The following CAPZB variants were observed in gnomAD, a reference collection of about 807,000 sequenced individuals.
CAPZB encodes F-actin-capping protein subunit beta.
In CAPZB, 2 loss-of-function variants were observed where a neutral mutation model predicts 38.1. The observed-to-expected ratio is 0.05, with a 90% CI of 0.02 to 0.17. The LOEUF is 0.17. Among genes scored for constraint, CAPZB ranks in the 10% least tolerant of loss-of-function variants. The pLI, the probability that CAPZB is intolerant of heterozygous loss-of-function variation, is 1.00. For missense variants in CAPZB, 161 were observed against 334.2 expected, an observed-to-expected ratio of 0.48 and a Z score of 4.04; for synonymous variants, 107 against 127.4, an observed-to-expected ratio of 0.84 and a Z score of 1.08.
chr1:19,339,601 C>T lies in CAPZB; in HGVS notation c.748G>A (p.Ala250Thr). The change falls in exon 9 of 9, where the codon GCA becomes ACA. Residue 250 changes from alanine (A) to threonine (T), a missense_variant. Coordinates refer to ENST00000264202, the MANE Select transcript of CAPZB (RefSeq NM_004930.5). Reference protein sequence around the residue: ...VNGLRSVQTFADKSKQEALKN... With the variant: ...VNGLRSVQTFTDKSKQEALKN... ...AGAGCTTCTTGTTTTGATTTGTCTG[C>T]AAAAGTCTGCACAGACCTGCAAGGG... is the stretch of plus-strand genomic sequence containing the variant. 10 of 1,613,828 alleles carry T rather than the reference C, an allele frequency of 6.2e-6. No homozygotes were observed. The highest frequency in any genetic ancestry group is 6.8e-6 in the Non-Finnish European group (8 of 1,179,666).
chr1:19,365,685 T>C lies in CAPZB; in HGVS notation c.330-8122A>G, dbSNP rs545681834. 3.3e-5 allele frequency among the ~76,000 whole-genome samples: 5 copies of C among 151,748 alleles called. No individual in the cohort carries two copies. The East Asian group carries it at 9.7e-4, about 30-fold the overall frequency. ...GTCTCTATTAAAAAAACACACAAAA[T>C]TAGTCGGGCGTGGTGGTGCATGCCT... On this transcript the variant is annotated intron_variant, in intron 4 of 8. Transcript: ENST00000264202.
At chr1:19,468,914 C>T (rs1482639250) in intron 1 of CAPZB, among the ~76,000 whole-genome samples, 4 of 152,202 alleles carry the variant, frequency 2.6e-5, no homozygotes, top group African/African-American at 7.2e-5. Flanking sequence ...CTCAGCGAGA[C>T]GCCTCCTTCA....
chr1:19,356,725 A>G lies in CAPZB; in HGVS notation c.498T>C (p.His166=), dbSNP rs752190963. 6.2e-7 allele frequency: 1 copy of G among 1,614,016 alleles called. No individual in the cohort carries two copies. The highest frequency in any genetic ancestry group is 1.1e-5 in the South Asian group (1 of 91,086). The change falls in exon 6 of 9, where the codon CAT becomes CAC. Residue 166 remains histidine, a synonymous_variant. Transcript: ENST00000264202. This position sits in a 1 kb window ranked among gnomAD's most constrained non-coding sequence, Gnocchi z 4.3. ...VQEKSSGRTA[H]YKLTSTVMLW... is the part of the protein sequence containing the mutation. ...GCATCACCGTGGAGGTCAACTTGTA[A>G]TGGGCGGTGCGACCGCTGGATTTCT...
intron 6 of CAPZB, among the ~76,000 whole-genome samples, chr1:19,354,144 T>C (rs2094007433): frequency 6.6e-6 from 1 of 152,252 alleles, no homozygotes; most frequent in Non-Finnish European, 1.5e-5. Context: ...GGTTAAATTA[T>C]ATGGGCAAAT....
intron 1 of CAPZB, 51 bp from the exon 2 acceptor site, chr1:19,419,801 T>C (rs747951447): frequency 9.4e-7 from 1 of 1,061,224 alleles, no homozygotes; most frequent in Non-Finnish European, 1.4e-6. Flanking sequence ...AGAAGGAATA[T>C]CAAAAACTCC....
intron 1 of CAPZB, among the ~76,000 whole-genome samples, chr1:19,446,963 T>A (rs2094498037): frequency 6.6e-6 from 1 of 152,228 alleles, no homozygotes; most frequent in South Asian, 2.1e-4. Flanking sequence ...TTACCCTCTA[T>A]GGTTTGTACT....
At chr1:19,466,255 G>C (rs538562989) in intron 1 of CAPZB, among the ~76,000 whole-genome samples, 60 of 152,310 alleles carry the variant, frequency 3.9e-4, no homozygotes, top group African/African-American at 1.4e-3. Context: ...GGGAGGCAGA[G>C]CCAGATGCAT....
At chr1:19,439,145 C>A (rs11587848) in intron 1 of CAPZB, among the ~76,000 whole-genome samples, 31,685 of 152,126 alleles carry the variant, frequency 0.21, 4,385 homozygotes, top group African/African-American at 0.39. Context: ...CCGGCTTGGG[C>A]TGGCCCATCT....
chr1:19,349,518 G>A lies in CAPZB; in HGVS notation c.589-4266C>T, dbSNP rs553575970. ...GGCCGCGGCCATCGGCAAAGGTCCTGGGTCACCTGGGCAAGTCCAGTCACA... is the reference window on the plus strand; with the variant it reads ...GGCCGCGGCCATCGGCAAAGGTCCTAGGTCACCTGGGCAAGTCCAGTCACA... On this transcript the variant is annotated intron_variant, in intron 6 of 8. Coordinates refer to ENST00000264202, the MANE Select transcript of CAPZB (RefSeq NM_004930.5). Among the ~76,000 whole-genome samples, 8 of 152,288 alleles carry A rather than the reference G, an allele frequency of 5.3e-5. No individual in the cohort carries two copies. The South Asian group carries it at 1.7e-3, about 32-fold the overall frequency.
chr1:19,427,275 ATC>A (rs1388740325), intron 1 of CAPZB, among the ~76,000 whole-genome samples: 1 of 152,244 alleles, frequency 6.6e-6, no homozygotes. Context: ...GCTTAACAGC[ATC>A]TGTCTGTACA....
At chr1:19,448,753 C>T (rs2094504550) in intron 1 of CAPZB, 23 of 1,524,678 alleles carry the variant, frequency 1.5e-5, no homozygotes, top group Non-Finnish European at 2.0e-5. Context: ...CTCCCTTCAC[C>T]CTGGCAGTTA....
At chr1:19,405,751 C>A (rs1408672621) in intron 2 of CAPZB, among the ~76,000 whole-genome samples, 1 of 152,166 alleles carries the variant, frequency 6.6e-6, no homozygotes, top group Non-Finnish European at 1.5e-5. Context: ...AATCTCTTTT[C>A]GGAGGGGCCG....
chr1:19,451,877 A>G (rs1307750239), intron 1 of CAPZB, among the ~76,000 whole-genome samples: 1 of 152,006 alleles, frequency 6.6e-6, no homozygotes, highest in East Asian at 1.9e-4. Flanking sequence ...ACATTTACTG[A>G]GCATTTATTA....
At chr1:19,448,087 C>T (rs1457840480) in intron 1 of CAPZB, among the ~76,000 whole-genome samples, 1 of 152,190 alleles carries the variant, frequency 6.6e-6, no homozygotes, top group African/African-American at 2.4e-5. Flanking sequence ...GCTTTTCTTT[C>T]GGAGGAAAAT....
intron 6 of CAPZB, among the ~76,000 whole-genome samples, chr1:19,353,812 G>A (rs1471402462): frequency 6.6e-6 from 1 of 152,244 alleles, no homozygotes; most frequent in Non-Finnish European, 1.5e-5. Flanking sequence ...ACCTGCGGGA[G>A]GGGCCCAGAG....
chr1:19,379,112 T>TTTTG (rs1558202615), intron 3 of CAPZB, among the ~76,000 whole-genome samples: 4 of 147,362 alleles, frequency 2.7e-5, no homozygotes, highest in African/African-American at 9.8e-5. Context: ...TTTTTTTTTT[T>TTTTG]TTTTAAGACA....
chr1:19,345,106 G>A (rs2093953459), intron 7 of CAPZB, 81 bp downstream of exon 7: 2 of 1,045,588 alleles, frequency 1.9e-6, no homozygotes, highest in Middle Eastern at 2.3e-4. Context: ...AGCAGAGAAG[G>A]AGGCCAGCAC....
intron 3 of CAPZB, among the ~76,000 whole-genome samples, chr1:19,379,160 G>A (rs910552624): frequency 4.2e-4 from 63 of 149,100 alleles, no homozygotes; most frequent in African/African-American, 1.4e-3. Context: ...GTGCAGTGGC[G>A]TGATCTTGGC....
chr1:19,439,070 C>A (rs1456766383), intron 1 of CAPZB, among the ~76,000 whole-genome samples: 43 of 152,174 alleles, frequency 2.8e-4, no homozygotes. Flanking sequence ...TGGCTACAAG[C>A]GTTCAGGAGG....
Sources: gnomAD v4.1 joint callset for allele counts (sites outside exome capture counted in the v4.1 genomes callset) on GRCh38, gnomAD v4.1.1 for gene constraint, Gnocchi (gnomAD v3.1) non-coding constraint, MANE v1.5 for transcripts, NCBI Gene and HGNC (gene_info 2026-07-23, HGNC 2026-07-21) for gene names.